Variants in WWOX observed in about 807,000 individuals in gnomAD.
WWOX encodes the protein WW domain containing oxidoreductase.
In WWOX, 69 loss-of-function variants were observed where a neutral mutation model predicts 46.2. The observed-to-expected ratio is 1.49, with a 90% confidence interval of 1.23 to 1.82. The LOEUF (loss-of-function observed/expected upper bound fraction) is 1.82, where lower values mean the gene tolerates loss of function less well. Ranked by LOEUF, WWOX falls within the 40% of genes most tolerant of loss-of-function variation. WWOX has a pLI of 0.00. For missense variants in WWOX, 919 were observed against 542.6 expected, an observed-to-expected ratio of 1.69 and a Z score of -6.89; for synonymous variants, 359 against 202.6, an observed-to-expected ratio of 1.77 and a Z score of -6.56.
intron 8 of WWOX, among the ~76,000 whole-genome samples, chr16:78,983,075 A>C (rs1424596373): frequency 6.6e-6 from 1 of 152,132 alleles, no homozygotes; most frequent in Non-Finnish European, 1.5e-5. Context: ...TTTCTTGTGG[A>C]AGTGGGCTTG....
chr16:78,397,080 T>TTG (rs1336742234), intron 6 of WWOX, among the ~76,000 whole-genome samples: 1 of 152,230 alleles, frequency 6.6e-6, no homozygotes, highest in Non-Finnish European at 1.5e-5. Context: ...AGAGTCGATG[T>TTG]TGTGTGCATA....
chr16:78,436,657 C>T (rs1052816590), intron 8 of WWOX, among the ~76,000 whole-genome samples: 1 of 152,172 alleles, frequency 6.6e-6, no homozygotes, highest in African/African-American at 2.4e-5. Flanking sequence ...AATTGGCGCT[C>T]TGAGCTTGCT....
chr16:78,774,033 C>T (rs1374521527), intron 8 of WWOX, among the ~76,000 whole-genome samples: 1 of 152,166 alleles, frequency 6.6e-6, no homozygotes, highest in South Asian at 2.1e-4. Flanking sequence ...GTCCACACAT[C>T]AACTTAATTT....
intron 8 of WWOX, among the ~76,000 whole-genome samples, chr16:78,617,455 T>C (rs1338563390): frequency 1.3e-5 from 2 of 151,314 alleles, no homozygotes; most frequent in Non-Finnish European, 2.9e-5. Context: ...TTTGCCTAAG[T>C]ATTTCGTGAA....
intron 8 of WWOX, among the ~76,000 whole-genome samples, chr16:79,195,312 G>C (rs748136133): frequency 6.6e-6 from 1 of 152,086 alleles, no homozygotes; most frequent in Non-Finnish European, 1.5e-5. Context: ...GAGCTGTGCT[G>C]TGGGAGATGC....
chr16:79,109,739 T>A (rs950076541), intron 8 of WWOX, among the ~76,000 whole-genome samples: 1 of 152,166 alleles, frequency 6.6e-6, no homozygotes, highest in Non-Finnish European at 1.5e-5. Flanking sequence ...ACCAAGAATC[T>A]AGAATCTAGA....
At chr16:78,621,254 G>A (rs1367120575) in intron 8 of WWOX, among the ~76,000 whole-genome samples, 1 of 152,054 alleles carries the variant, frequency 6.6e-6, no homozygotes, top group Non-Finnish European at 1.5e-5. Context: ...TACTTAACTG[G>A]CATATCATTC....
At chr16:78,911,396 T>C (rs1040510421) in intron 8 of WWOX, among the ~76,000 whole-genome samples, 1 of 152,076 alleles carries the variant, frequency 6.6e-6, no homozygotes, top group African/African-American at 2.4e-5. Flanking sequence ...GTCTTTTCTT[T>C]TTCTTGATGG....
intron 6 of WWOX, among the ~76,000 whole-genome samples, chr16:78,392,389 A>T (rs995388948): frequency 6.6e-6 from 1 of 152,148 alleles, no homozygotes. Context: ...CTAGGAAAAC[A>T]AGCTCAGGGC....
At chr16:78,254,867 G>T (rs1348136017) in intron 5 of WWOX, among the ~76,000 whole-genome samples, 1 of 152,114 alleles carries the variant, frequency 6.6e-6, no homozygotes. Context: ...GCTCTGATAT[G>T]CACCTCTCAT....
At chr16:78,549,435 C>G (rs2044124600) in intron 8 of WWOX, among the ~76,000 whole-genome samples, 1 of 152,148 alleles carries the variant, frequency 6.6e-6, no homozygotes, top group Admixed American at 6.6e-5. Flanking sequence ...TAATTCCCCC[C>G]TTTAATCTCT....
At chr16:78,545,688 A>C (rs1283666591) in intron 8 of WWOX, among the ~76,000 whole-genome samples, 3 of 152,088 alleles carry the variant, frequency 2.0e-5, no homozygotes, top group African/African-American at 7.2e-5. Flanking sequence ...ACAAAATACC[A>C]CCCACTGGGG....
At chr16:78,408,084 G>C (rs2151947959) in intron 6 of WWOX, among the ~76,000 whole-genome samples, 1 of 152,224 alleles carries the variant, frequency 6.6e-6, no homozygotes, top group South Asian at 2.1e-4. Context: ...AGGTAGATAG[G>C]AGCCGGTCCC....
At chr16:79,164,112 G>C (rs540056382) in intron 8 of WWOX, among the ~76,000 whole-genome samples, 1 of 152,296 alleles carries the variant, frequency 6.6e-6, no homozygotes, top group Admixed American at 6.5e-5. Flanking sequence ...GCCACTTTAT[G>C]GCCCAGAAAC....
intron 4 of WWOX, among the ~76,000 whole-genome samples, chr16:78,144,467 A>G (rs1479065981): frequency 9.8e-5 from 2 of 20,490 alleles, no homozygotes; most frequent in African/African-American, 4.3e-4. Flanking sequence ...ATATATACAC[A>G]CATATATATA....
At chr16:78,326,376 C>T (rs1343033566) in intron 5 of WWOX, among the ~76,000 whole-genome samples, 3 of 151,976 alleles carry the variant, frequency 2.0e-5, no homozygotes, top group Admixed American at 6.6e-5. Context: ...TATATTCTGC[C>T]ACCCCTATCA....
intron 8 of WWOX, among the ~76,000 whole-genome samples, chr16:78,497,341 A>G (rs535254797): frequency 1.3e-5 from 2 of 152,372 alleles, no homozygotes; most frequent in East Asian, 1.9e-4. Context: ...AGACTTAAAC[A>G]TAAGATCTGA....
At chr16:78,518,673 G>A (rs1018704754) in intron 8 of WWOX, among the ~76,000 whole-genome samples, 9 of 152,134 alleles carry the variant, frequency 5.9e-5, no homozygotes, top group African/African-American at 1.2e-4. Flanking sequence ...ATTGAATGCC[G>A]ATTGTTCAGC....
intron 8 of WWOX, among the ~76,000 whole-genome samples, chr16:78,977,190 C>A (rs2046589474): frequency 2.0e-5 from 3 of 152,124 alleles, no homozygotes; most frequent in Non-Finnish European, 2.9e-5. Context: ...TGTTTTGAAC[C>A]ACTTATTTTG....
Sources: allele counts gnomAD v4.1 joint callset (sites outside exome capture counted in the v4.1 genomes callset), GRCh38; gene constraint gnomAD v4.1.1; transcripts MANE v1.5; gene names NCBI Gene and HGNC (gene_info 2026-07-23, HGNC 2026-07-21).